FTCDNL1: variants seen among roughly 807,000 people sequenced by gnomAD.
The protein encoded by FTCDNL1 is formiminotransferase cyclodeaminase N-terminal like.
FTCDNL1 carries 11 observed loss-of-function variants against 5.9 expected under a neutral mutation model. The observed-to-expected ratio is 1.87, with a 90% confidence interval of 1.18 to 3.10. The LOEUF (loss-of-function observed/expected upper bound fraction) is 3.10, where lower values mean the gene tolerates loss of function less well. FTCDNL1 is among the 30% of genes most tolerant of loss of function. The pLI, the probability that FTCDNL1 is intolerant of heterozygous loss-of-function variation, is 0.00. For missense variants in FTCDNL1, 115 were observed against 65.5 expected (o/e 1.76, Z -2.61); for synonymous variants, 58 against 24.8 (o/e 2.34, Z -3.99).
chr2:199,825,385 T>C (rs1701967221), intron 3 of FTCDNL1, among the ~76,000 whole-genome samples: 1 of 152,094 alleles, frequency 6.6e-6, no homozygotes, highest in Non-Finnish European at 1.5e-5. Context: ...GGGGCGGGGC[T>C]AGAGGTCAGG....
chr2:199,682,157 A>G, the FTCDNL1 span, among the ~76,000 whole-genome samples: 1 of 152,116 alleles, frequency 6.6e-6, no homozygotes, highest in African/African-American at 2.4e-5. Flanking sequence ...ACATCAGTGG[A>G]CTTAGAGCAA....
chr2:199,690,353 C>T, the FTCDNL1 span, among the ~76,000 whole-genome samples: 3 of 152,204 alleles, frequency 2.0e-5, no homozygotes, highest in Admixed American at 2.0e-4. Flanking sequence ...GAACATGACA[C>T]CTGAGAGTAG....
chr2:199,685,157 C>A, the FTCDNL1 span, among the ~76,000 whole-genome samples: 1 of 152,022 alleles, frequency 6.6e-6, no homozygotes, highest in African/African-American at 2.4e-5. Flanking sequence ...CATAGAAAAC[C>A]TTTTATTCCA....
chr2:199,846,482 T>C (rs1157985780), intron 2 of FTCDNL1, among the ~76,000 whole-genome samples: 2 of 152,236 alleles, frequency 1.3e-5, no homozygotes, highest in African/African-American at 2.4e-5. Flanking sequence ...CTTTCTTCAA[T>C]AGCCAAATCA....
chr2:199,825,521 G>A lies in FTCDNL1; in HGVS notation c.212-5764C>T, dbSNP rs572157973. On this transcript the variant is annotated intron_variant, in intron 3 of 4. Transcript: ENST00000420128. ...CAGTGTTGGAGGTGGGGCCTAATGGGAGGAGTTTAAGTCATAGTAGCAGAT... is the reference window on the plus strand; with the variant it reads ...CAGTGTTGGAGGTGGGGCCTAATGGAAGGAGTTTAAGTCATAGTAGCAGAT... 5.3e-5 allele frequency among the ~76,000 whole-genome samples: 8 copies of A among 152,334 alleles called. No homozygotes were observed. In the East Asian group the frequency reaches 1.5e-3, roughly 29 times the overall value.
At chr2:199,695,945 C>A in the FTCDNL1 span, among the ~76,000 whole-genome samples, 69 of 152,316 alleles carry the variant, frequency 4.5e-4, 1 homozygote, top group East Asian at 0.011. Context: ...AATCTGAGCA[C>A]CCTCCTGTCT....
At chr2:199,739,219 C>T in the FTCDNL1 span, among the ~76,000 whole-genome samples, 20 of 152,198 alleles carry the variant, frequency 1.3e-4, no homozygotes, top group African/African-American at 4.8e-4. Context: ...CACTCACATT[C>T]TTGAATGCTG....
At chr2:199,769,199 C>A (rs568801356) in intron 3 of FTCDNL1, among the ~76,000 whole-genome samples, 1 of 152,210 alleles carries the variant, frequency 6.6e-6, no homozygotes, top group East Asian at 1.9e-4. Flanking sequence ...AGGTGCTGAC[C>A]TTCACTATCT....
intron 3 of FTCDNL1, among the ~76,000 whole-genome samples, chr2:199,783,008 C>T (rs1022169656): frequency 1.3e-5 from 2 of 152,180 alleles, no homozygotes; most frequent in South Asian, 4.1e-4. Flanking sequence ...TTGCTGACTG[C>T]CCATCTCTAC....
the FTCDNL1 span, among the ~76,000 whole-genome samples, chr2:199,739,861 G>C: frequency 1.3e-5 from 2 of 152,166 alleles, no homozygotes; most frequent in Non-Finnish European, 2.9e-5. Flanking sequence ...CAGTCCATAA[G>C]ATTTGCATTC....
chr2:199,813,318 G>A (rs1281668847), intron 4 of FTCDNL1, among the ~76,000 whole-genome samples: 1 of 152,074 alleles, frequency 6.6e-6, no homozygotes, highest in Non-Finnish European at 1.5e-5. Context: ...CTCAAAAATA[G>A]TTCCAGGCAC....
At chr2:199,783,336 T>C (rs1699465593) in intron 3 of FTCDNL1, among the ~76,000 whole-genome samples, 1 of 152,258 alleles carries the variant, frequency 6.6e-6, no homozygotes, top group South Asian at 2.1e-4. Context: ...TTTTTGTTGT[T>C]GTTAAAGCCA....
At chr2:199,667,806 G>C in the FTCDNL1 span, among the ~76,000 whole-genome samples, 1 of 152,046 alleles carries the variant, frequency 6.6e-6, no homozygotes, top group Non-Finnish European at 1.5e-5. Context: ...TTCTTCACAG[G>C]GTTGCTCAAG....
the FTCDNL1 span, among the ~76,000 whole-genome samples, chr2:199,754,188 G>A: frequency 7.9e-5 from 12 of 152,084 alleles, no homozygotes; most frequent in Non-Finnish European, 1.5e-5. Context: ...AATACAATTC[G>A]TAGCTGGGCA....
intron 3 of FTCDNL1, among the ~76,000 whole-genome samples, chr2:199,841,563 T>G (rs2076588912): frequency 6.6e-6 from 1 of 152,202 alleles, no homozygotes; most frequent in African/African-American, 2.4e-5. Flanking sequence ...GTTACATTAT[T>G]ATACCTATGT....
At chr2:199,675,540 A>C in the FTCDNL1 span, among the ~76,000 whole-genome samples, 1 of 152,196 alleles carries the variant, frequency 6.6e-6, no homozygotes, top group Non-Finnish European at 1.5e-5. Flanking sequence ...TGCTTTAACA[A>C]AATAGAAATT....
At position 199,840,954 on chromosome 2, in the gene FTCDNL1, C is replaced by T. The variant is rs2076568747; in HGVS notation, c.211+5121G>A. Among the ~76,000 whole-genome samples the T allele has an allele frequency of 2.0e-5, 3 of 151,804 alleles. No homozygotes were observed. The South Asian group carries it at 6.3e-4, about 32-fold the overall frequency. On this transcript the variant is annotated intron_variant, in intron 3 of 4. Coordinates refer to ENST00000420128, the MANE Select transcript of FTCDNL1 (RefSeq NM_001363886.2). ...TTGCTTAAGCCTAGGAATTCAAGACCCACCTGGGCAACATGACAAGACCCT... is the reference window on the plus strand; with the variant it reads ...TTGCTTAAGCCTAGGAATTCAAGACTCACCTGGGCAACATGACAAGACCCT...
intron 3 of FTCDNL1, among the ~76,000 whole-genome samples, chr2:199,779,192 T>C (rs1296926384): frequency 6.6e-6 from 1 of 152,208 alleles, no homozygotes; most frequent in Non-Finnish European, 1.5e-5. Context: ...ATAAATTGGC[T>C]CTATCGGCTG....
At chr2:199,791,807 A>C (rs1051975258) in intron 3 of FTCDNL1, among the ~76,000 whole-genome samples, 1 of 152,154 alleles carries the variant, frequency 6.6e-6, no homozygotes. Context: ...GTGATGAGAG[A>C]GACTACAAGC....
Sources: gnomAD v4.1 joint callset for allele counts (sites outside exome capture counted in the v4.1 genomes callset) on GRCh38, gnomAD v4.1.1 for gene constraint, MANE v1.5 for transcripts, NCBI Gene and HGNC (gene_info 2026-07-23, HGNC 2026-07-21) for gene names.